The following TLN2 variants were observed in gnomAD, a reference collection of about 807,000 sequenced individuals.
TLN2 encodes the protein talin 2, also known as talin-2.
Under a neutral mutation model 294.7 loss-of-function variants are expected in TLN2, and 118 were observed. The ratio of observed to expected loss-of-function variants is 0.40; its 90% CI spans 0.34 to 0.47. The LOEUF (loss-of-function observed/expected upper bound fraction) is 0.47, where lower values mean the gene tolerates loss of function less well. Among genes scored for constraint, TLN2 ranks in the 20% least tolerant of loss-of-function variants. TLN2 has a pLI of 0.84. For synonymous variants in TLN2, 1,431 were observed against 1,304.5 expected, an observed-to-expected ratio of 1.10 and a Z score of -2.09; for missense variants, 3,083 against 3,282.2, an observed-to-expected ratio of 0.94 and a Z score of 1.48.
At chr15:62,552,672 G>A (rs2042389253) in intron 1 of TLN2, among the ~76,000 whole-genome samples, 1 of 152,204 alleles carries the variant, frequency 6.6e-6, no homozygotes, top group Non-Finnish European at 1.5e-5. Context: ...AAATATGTAT[G>A]TTAGATAAGC....
rs201711971 is a variant in TLN2 at position 62,770,964 on chromosome 15, G to T, written c.5197G>T (p.Val1733Leu). Reference protein sequence around the residue: ...RGEAAQLGHKVTQLASYFEPL... With the variant: ...RGEAAQLGHKLTQLASYFEPL... Reference sequence around the variant, plus strand: ...TGGCTTTTTTTTTTTTTTTTGAAAGGTGACACAACTGGCAAGCTATTTTGA... The same window carrying T: ...TGGCTTTTTTTTTTTTTTTTGAAAGTTGACACAACTGGCAAGCTATTTTGA... Residue 1733 changes from valine to leucine, a missense_variant and splice_region_variant, in exon 42 of 59, where the codon GTG becomes TTG. Transcript: ENST00000636159. The T allele has an allele frequency of 7.0e-6, 11 of 1,565,684 alleles. No individual in the cohort carries two copies. Among genetic ancestry groups the T allele is most frequent in the Non-Finnish European group, 9.5e-6 (11 of 1,163,060 alleles).
chr15:62,634,019 A>G (rs767988741), intron 3 of TLN2, among the ~76,000 whole-genome samples: 7 of 152,168 alleles, frequency 4.6e-5, no homozygotes, highest in Non-Finnish European at 7.3e-5. Context: ...ACAACGGTCA[A>G]TTCGGATTAT....
intron 1 of TLN2, among the ~76,000 whole-genome samples, chr15:62,396,542 C>A (rs2140228048): frequency 6.6e-6 from 1 of 152,170 alleles, no homozygotes; most frequent in East Asian, 1.9e-4. Context: ...GTAGATTATA[C>A]CTTCAGTGTA....
chr15:62,417,038 T>C (rs2034125199), intron 1 of TLN2, among the ~76,000 whole-genome samples: 1 of 152,136 alleles, frequency 6.6e-6, no homozygotes, highest in African/African-American at 2.4e-5. Context: ...CCGCAGATCA[T>C]CGAGTTACAG....
intron 27 of TLN2, among the ~76,000 whole-genome samples, chr15:62,726,489 A>T (rs966088597): frequency 6.6e-6 from 1 of 152,162 alleles, no homozygotes; most frequent in African/African-American, 2.4e-5. Context: ...GCAAAATAAC[A>T]TGCTGTTCAT....
intron 1 of TLN2, among the ~76,000 whole-genome samples, chr15:62,507,854 A>T (rs755114174): frequency 1.2e-4 from 19 of 152,218 alleles, no homozygotes; most frequent in Non-Finnish European, 2.9e-5. Context: ...ATGGGACTCT[A>T]AGGAGTGAAA....
intron 1 of TLN2, among the ~76,000 whole-genome samples, chr15:62,577,307 G>A (rs924183208): frequency 6.6e-6 from 1 of 152,134 alleles, no homozygotes; most frequent in Non-Finnish European, 1.5e-5. Flanking sequence ...GCCGGGTGTG[G>A]TGGCGCATGC....
intron 1 of TLN2, among the ~76,000 whole-genome samples, chr15:62,565,346 CATA>C (rs1438940002): frequency 1.3e-5 from 2 of 152,118 alleles, no homozygotes; most frequent in Non-Finnish European, 2.9e-5. Flanking sequence ...AAAGTATATA[CATA>C]ATAAATTGCA....
intron 55 of TLN2, chr15:62,835,419 G>A (rs982371092): frequency 1.5e-5 from 6 of 404,664 alleles, no homozygotes; most frequent in African/African-American, 1.0e-4. Context: ...CAGCAGAGGA[G>A]TAAGTGTAGA....
intron 1 of TLN2, among the ~76,000 whole-genome samples, chr15:62,478,948 A>G (rs772997011): frequency 7.2e-5 from 11 of 152,200 alleles, no homozygotes; most frequent in Admixed American, 2.6e-4. Context: ...ATGGCCAGGT[A>G]TGTGTTGCAG....
At chr15:62,607,482 CAGT>C (rs2047549203) in intron 2 of TLN2, among the ~76,000 whole-genome samples, 1 of 152,164 alleles carries the variant, frequency 6.6e-6, no homozygotes, top group African/African-American at 2.4e-5. Context: ...AAGTGGATGA[CAGT>C]AGTTGGGAGC....
intron 1 of TLN2, among the ~76,000 whole-genome samples, chr15:62,414,225 A>G (rs2140260083): frequency 7.7e-6 from 1 of 129,258 alleles, no homozygotes; most frequent in African/African-American, 2.7e-5. Flanking sequence ...AGATGATAGT[A>G]GGAACAAGTA....
intron 54 of TLN2, among the ~76,000 whole-genome samples, chr15:62,822,858 G>A (rs1405294151): frequency 1.3e-5 from 2 of 152,322 alleles, no homozygotes; most frequent in South Asian, 2.1e-4. Context: ...AAGAAAATAA[G>A]TAGGGAATGT....
chr15:62,813,655 C>T (rs563510573), intron 52 of TLN2, among the ~76,000 whole-genome samples: 12 of 152,132 alleles, frequency 7.9e-5, no homozygotes, highest in Non-Finnish European at 1.5e-4. Flanking sequence ...ATTGACAGGG[C>T]AAGGCAGAAG....
At chr15:62,836,155 G>A in intron 57 of TLN2, 82 bp downstream of exon 57, 2 of 1,522,944 alleles carry the variant, frequency 1.3e-6, no homozygotes, top group Non-Finnish European at 1.8e-6. Context: ...TCACTTCCTT[G>A]GCATGACCCA....
intron 1 of TLN2, among the ~76,000 whole-genome samples, chr15:62,546,812 A>G (rs945436966): frequency 1.3e-5 from 2 of 152,208 alleles, no homozygotes; most frequent in Non-Finnish European, 2.9e-5. Flanking sequence ...CCTTGAAAGC[A>G]TTTACAGACT....
intron 52 of TLN2, among the ~76,000 whole-genome samples, chr15:62,815,292 T>C (rs1457297150): frequency 6.6e-6 from 1 of 151,814 alleles, no homozygotes; most frequent in Admixed American, 6.6e-5. Flanking sequence ...TGTATGATCA[T>C]ATGACCATGG....
chr15:62,793,519 G>A (rs1313073451), intron 46 of TLN2, among the ~76,000 whole-genome samples: 1 of 152,162 alleles, frequency 6.6e-6, no homozygotes, highest in African/African-American at 2.4e-5. Flanking sequence ...GCCTGGTACA[G>A]TGCCAGACAC....
chr15:62,702,983 T>A, intron 19 of TLN2, 119 bp downstream of exon 19: 2 of 909,630 alleles, frequency 2.2e-6, no homozygotes, highest in Non-Finnish European at 3.4e-6. Context: ...AGAATGCGAT[T>A]GAGATGGATT....
Sources: allele counts gnomAD v4.1 joint callset (sites outside exome capture counted in the v4.1 genomes callset), GRCh38; gene constraint gnomAD v4.1.1; transcripts MANE v1.5; gene names NCBI Gene and HGNC (gene_info 2026-07-23, HGNC 2026-07-21).